The following LONP1 variants were observed in gnomAD, a reference collection of about 807,000 sequenced individuals.
LONP1 encodes lon protease homolog, mitochondrial.
In LONP1, 31 loss-of-function variants were observed where a neutral mutation model predicts 98.5. The ratio of observed to expected loss-of-function variants is 0.31; its 90% CI spans 0.24 to 0.42. The LOEUF is 0.42. Among genes scored for constraint, LONP1 ranks in the 20% least tolerant of loss-of-function variants. LONP1 has a pLI of 1.00. For missense variants in LONP1, 1,336 were observed against 1,350.6 expected (o/e 0.99, Z 0.17); for synonymous variants, 781 against 594.7 (o/e 1.31, Z -4.56).
intron 7 of LONP1, among the ~76,000 whole-genome samples, chr19:5,706,680 T>C (rs983594397): frequency 1.3e-5 from 2 of 152,064 alleles, no homozygotes; most frequent in Non-Finnish European, 2.9e-5. Flanking sequence ...CTGCCGAAAA[T>C]CATGACAGCG....
rs371606894 is a variant in LONP1 at position 5,696,142 on chromosome 19, G to C, written c.1925C>G (p.Thr642Arg). Residue 642 changes from threonine (T) to arginine (R), a missense_variant, in exon 13 of 18, where the codon ACG (threonine) becomes AGG (arginine). Physicochemically the swap from Thr to Arg is moderately conservative, Grantham distance 71. This residue lies in a region of LONP1 where 555 missense variants were observed against 542.6 expected (regional missense o/e 1.02). Coordinates refer to ENST00000360614, the MANE Select transcript of LONP1 (RefSeq NM_004793.4). ...KVLFICTANVTDTIPEPLRDR... is the reference protein window; with the variant it reads ...KVLFICTANVRDTIPEPLRDR... The stretch of plus-strand genomic sequence containing the variant: ...TCGCAGCGGCTCGGGGATGGTGTCC[G>C]TGACGTTGGCCGTGCAGATGAACAG... 3 of 1,612,950 alleles carry C rather than the reference G, an allele frequency of 1.9e-6. No individual in the cohort carries two copies. The highest frequency in any genetic ancestry group is 1.1e-5 in the South Asian group (1 of 91,080).
At chr19:5,699,408 A>G (rs1397620099) in intron 9 of LONP1, among the ~76,000 whole-genome samples, 1 of 152,118 alleles carries the variant, frequency 6.6e-6, no homozygotes, top group Admixed American at 6.6e-5. Context: ...TAACAATTTA[A>G]CACCAAAGGA....
intron 15 of LONP1, 118 bp downstream of exon 15, chr19:5,694,269 C>A (rs556500655): frequency 9.5e-6 from 13 of 1,370,784 alleles, no homozygotes; most frequent in Middle Eastern, 1.8e-4. Context: ...CACCACCCCC[C>A]GCCAGAGGCC....
Position 5,700,947 on chromosome 19 carries a change from G to A in LONP1, c.1368-20C>T, listed in dbSNP as rs753375137. ...GTGACACTGCCAGGGGACAGATGGA[G>A]AGATGCTGAGTGGAGCTCACGAGCT... On this transcript the variant is annotated intron_variant, in intron 8 of 17. Transcript: ENST00000360614. The A allele has an allele frequency of 1.9e-6, 3 of 1,613,974 alleles. No homozygotes were observed. The highest frequency in any genetic ancestry group is 2.5e-6 in the Non-Finnish European group (3 of 1,179,898).
At chr19:5,697,252 G>C (rs934974597) in intron 10 of LONP1, among the ~76,000 whole-genome samples, 1 of 152,078 alleles carries the variant, frequency 6.6e-6, no homozygotes, top group African/African-American at 2.4e-5. Flanking sequence ...CTGTCTGTGG[G>C]ATGAAGACAC....
At chr19:5,692,242 C>A (rs1158928411) in intron 17 of LONP1, 34 bp from the exon 18 acceptor site, 1 of 1,580,022 alleles carries the variant, frequency 6.3e-7, no homozygotes, top group African/African-American at 1.3e-5. Context: ...CCTGCCTGGG[C>A]CTGTGGGAGG....
At chr19:5,695,991 C>T in intron 13 of LONP1, 63 bp downstream of exon 13, 5 of 1,467,994 alleles carry the variant, frequency 3.4e-6, no homozygotes, top group Non-Finnish European at 3.7e-6. Flanking sequence ...ACGGCCTCTG[C>T]AGGCTCTGGG....
chr19:5,709,846 A>G (rs2055208084), intron 4 of LONP1, among the ~76,000 whole-genome samples: 1 of 124,520 alleles, frequency 8.0e-6, no homozygotes, highest in African/African-American at 3.1e-5. Context: ...CGGGAGGTGG[A>G]GCTTGCGGTG....
chr19:5,693,865 GT>G, intron 15 of LONP1, 96 bp from the exon 16 acceptor site: 2 of 1,026,982 alleles, frequency 1.9e-6, no homozygotes, highest in Non-Finnish European at 2.9e-6. Context: ...TCCTGCCCCA[GT>G]TTAGCATCTT....
At position 5,696,390 on chromosome 19, in the gene LONP1, G is replaced by C; in HGVS notation, c.1774-19C>G. ...TGTCCACCTGGGGCAGCAGACAGCAGGTGGTGCCCCTCGCCGTGCCCCTGG... is the reference window on the plus strand; with the variant it reads ...TGTCCACCTGGGGCAGCAGACAGCACGTGGTGCCCCTCGCCGTGCCCCTGG... On this transcript the variant is annotated intron_variant, in intron 11 of 17. Transcript: ENST00000360614. 2 of 1,610,962 alleles carry C rather than the reference G, an allele frequency of 1.2e-6. No individual in the cohort carries two copies. Among genetic ancestry groups the C allele is most frequent in the Non-Finnish European group, 1.7e-6 (2 of 1,178,592 alleles).
intron 1 of LONP1, among the ~76,000 whole-genome samples, chr19:5,715,952 C>T (rs2055311639): frequency 6.6e-6 from 1 of 151,988 alleles, no homozygotes; most frequent in African/African-American, 2.4e-5. Context: ...CCCAGGATCA[C>T]AGCACATTCT....
intron 4 of LONP1, 70 bp from the exon 5 acceptor site, chr19:5,708,473 T>G: frequency 1.2e-6 from 1 of 813,600 alleles, no homozygotes; most frequent in South Asian, 1.5e-5. Flanking sequence ...GGTGGGAGCA[T>G]GGCCCTGGGA....
At chr19:5,699,335 G>T in intron 9 of LONP1, 130 bp from the exon 10 acceptor site, 1 of 680,322 alleles carries the variant, frequency 1.5e-6, no homozygotes, top group Non-Finnish European at 2.2e-6. Flanking sequence ...TTGTCCGGGA[G>T]GCTGAGCACA....
chr19:5,707,045 C>G lies in LONP1; in HGVS notation c.1146+15G>C. 4 of 1,605,548 alleles carry G rather than the reference C, an allele frequency of 2.5e-6. No homozygotes were observed. The highest frequency in any genetic ancestry group is 3.4e-6 in the Non-Finnish European group (4 of 1,177,668). Reference sequence around the variant, plus strand: ...AAGGCCCCCAAGAGTGGCTGCGCCTCAGCCGCGGGCTCACCTCCCGCCCCA... The same window carrying G: ...AAGGCCCCCAAGAGTGGCTGCGCCTGAGCCGCGGGCTCACCTCCCGCCCCA... On this transcript the variant is annotated intron_variant, in intron 7 of 17. Coordinates refer to ENST00000360614, the MANE Select transcript of LONP1 (RefSeq NM_004793.4).
chr19:5,693,510 A>G (rs756222659), intron 16 of LONP1, 42 bp downstream of exon 16: 115 of 1,612,454 alleles, frequency 7.1e-5, no homozygotes, highest in African/African-American at 4.9e-4. Context: ...CCAGCAGCCC[A>G]GGGACTGGGC....
At chr19:5,713,663 C>T (rs1431766993) in intron 2 of LONP1, among the ~76,000 whole-genome samples, 4 of 152,164 alleles carry the variant, frequency 2.6e-5, no homozygotes, top group African/African-American at 9.7e-5. Context: ...CTAGGTTCAA[C>T]CGATTCTCCT....
At position 5,696,276 on chromosome 19, in the gene LONP1, G is replaced by C; in HGVS notation, c.1869C>G (p.Tyr623Ter). The C allele has an allele frequency of 6.2e-7, 1 of 1,613,440 alleles. No individual in the cohort carries two copies. The highest frequency in any genetic ancestry group is 8.5e-7 in the Non-Finnish European group (1 of 1,179,896). Residue 623 changes from tyrosine to a stop codon, truncating the protein, a stop_gained, in exon 12 of 18, where the codon TAC becomes TAG. Transcript: ENST00000360614. LOFTEE classifies it high-confidence loss of function. ...PEQNANFLDH[Y>*]LDVPVDLSKV... Reference sequence around the variant, plus strand: ...TGGACAAGTCCACGGGCACGTCCAGGTAGTGGTCCAGGAAGTTGGCATTCT... The same window carrying C: ...TGGACAAGTCCACGGGCACGTCCAGCTAGTGGTCCAGGAAGTTGGCATTCT...
At chr19:5,702,109 C>T (rs1293686305) in intron 8 of LONP1, among the ~76,000 whole-genome samples, 2 of 149,914 alleles carry the variant, frequency 1.3e-5, no homozygotes, top group East Asian at 2.0e-4. Context: ...CCAGCCGCCC[C>T]GTCCGGGAGG....
chr19:5,695,386 G>A (rs944684501), intron 13 of LONP1, among the ~76,000 whole-genome samples: 7 of 152,012 alleles, frequency 4.6e-5, no homozygotes, highest in Non-Finnish European at 7.4e-5. Context: ...CTCTACATCT[G>A]CCACTGATAC....
Sources: gnomAD v4.1 joint callset for allele counts (sites outside exome capture counted in the v4.1 genomes callset) on GRCh38, gnomAD v4.1.1 for gene constraint, gnomAD v4.1.1 regional missense constraint, MANE v1.5 for transcripts, NCBI Gene and HGNC (gene_info 2026-07-23, HGNC 2026-07-21) for gene names.